Variants in ARHGAP24 observed in about 807,000 individuals in gnomAD.
ARHGAP24 encodes the protein rho GTPase-activating protein 24.
ARHGAP24 carries 50 observed loss-of-function variants against 76.4 expected under a neutral mutation model. The ratio of observed to expected loss-of-function variants is 0.65; its 90% CI spans 0.52 to 0.83. The LOEUF is 0.83. Among genes scored for constraint, ARHGAP24 ranks in the 40% least tolerant of loss-of-function variants. The pLI, the probability that ARHGAP24 is intolerant of heterozygous loss-of-function variation, is 0.00. For synonymous variants in ARHGAP24, 345 were observed against 323.3 expected (o/e 1.07, Z -0.72); for missense variants, 930 against 914.2 (o/e 1.02, Z -0.22).
intron 1 of ARHGAP24, among the ~76,000 whole-genome samples, chr4:85,512,079 T>A (rs1164950022): frequency 6.6e-6 from 1 of 152,210 alleles, no homozygotes; most frequent in East Asian, 1.9e-4. Flanking sequence ...GTTTCCCAAA[T>A]AAGGCCATAT....
chr4:85,557,789 G>A (rs1560531959), intron 1 of ARHGAP24, among the ~76,000 whole-genome samples: 1 of 152,076 alleles, frequency 6.6e-6, no homozygotes, highest in Non-Finnish European at 1.5e-5. Context: ...TTTCCCTGTG[G>A]ATCTCCCAAT....
intron 3 of ARHGAP24, among the ~76,000 whole-genome samples, chr4:85,833,251 T>C (rs962346592): frequency 1.3e-5 from 2 of 152,198 alleles, no homozygotes; most frequent in African/African-American, 4.8e-5. Flanking sequence ...CTGTCAGCTA[T>C]GTGCTGGCCC....
At chr4:85,516,613 CT>C (rs5859978) in intron 1 of ARHGAP24, among the ~76,000 whole-genome samples, 104 of 146,128 alleles carry the variant, frequency 7.1e-4, no homozygotes, top group Non-Finnish European at 8.8e-4. Context: ...TGTATTTCAT[CT>C]TTTTTTTTTC....
intron 3 of ARHGAP24, among the ~76,000 whole-genome samples, chr4:85,784,212 C>T (rs2110087670): frequency 6.6e-6 from 1 of 152,236 alleles, no homozygotes; most frequent in Non-Finnish European, 1.5e-5. Flanking sequence ...TGTTTACCCT[C>T]ATGCTCTTCT....
intron 5 of ARHGAP24, among the ~76,000 whole-genome samples, chr4:85,962,774 T>G (rs1162370366): frequency 6.6e-6 from 1 of 151,430 alleles, no homozygotes; most frequent in Non-Finnish European, 1.5e-5. Flanking sequence ...ATGCCCATGT[T>G]TATTAAAAGT....
At chr4:85,626,356 C>A (rs1470663080) in intron 2 of ARHGAP24, among the ~76,000 whole-genome samples, 3 of 150,508 alleles carry the variant, frequency 2.0e-5, no homozygotes, top group Non-Finnish European at 4.4e-5. Flanking sequence ...ATATGAAATT[C>A]TGGGTTGAAA....
At chr4:85,894,912 GATC>G (rs1345143859) in intron 3 of ARHGAP24, among the ~76,000 whole-genome samples, 3 of 121,760 alleles carry the variant, frequency 2.5e-5, no homozygotes, top group Non-Finnish European at 4.9e-5. Flanking sequence ...AGTGAGTAGA[GATC>G]ATACCACTGT....
intron 1 of ARHGAP24, among the ~76,000 whole-genome samples, chr4:85,485,620 TTTTCTAG>T (rs1217141994): frequency 3.3e-5 from 5 of 151,476 alleles, no homozygotes; most frequent in Admixed American, 2.0e-4. Context: ...ATCACTTAGT[TTTTCTAG>T]ACTTCAGTCT....
intron 3 of ARHGAP24, among the ~76,000 whole-genome samples, chr4:85,895,996 C>T (rs937118724): frequency 6.6e-6 from 1 of 152,050 alleles, no homozygotes. Context: ...GGGTACTTCG[C>T]CATAAAGTTA....
chr4:85,501,052 T>C (rs997817484), intron 1 of ARHGAP24, among the ~76,000 whole-genome samples: 2 of 152,186 alleles, frequency 1.3e-5, no homozygotes, highest in Non-Finnish European at 2.9e-5. Flanking sequence ...CATGAACTCA[T>C]CCTTTTTTAT....
chr4:85,729,309 A>G (rs1725300053), intron 3 of ARHGAP24, among the ~76,000 whole-genome samples: 1 of 152,232 alleles, frequency 6.6e-6, no homozygotes, highest in Non-Finnish European at 1.5e-5. Flanking sequence ...AGCAGCATGT[A>G]TTAACTACTA....
chr4:85,666,303 C>A (rs568558180), intron 2 of ARHGAP24, among the ~76,000 whole-genome samples: 1 of 152,176 alleles, frequency 6.6e-6, no homozygotes, highest in African/African-American at 2.4e-5. Flanking sequence ...TCCAGTTGAT[C>A]GCATCGGCTC....
chr4:85,859,367 A>G (rs1731760570), intron 3 of ARHGAP24, among the ~76,000 whole-genome samples: 1 of 152,136 alleles, frequency 6.6e-6, no homozygotes, highest in African/African-American at 2.4e-5. Context: ...TAAACTCTTG[A>G]TATCAGAACC....
chr4:85,897,986 CATAT>C (rs112904597), intron 3 of ARHGAP24, among the ~76,000 whole-genome samples: 17 of 144,970 alleles, frequency 1.2e-4, no homozygotes, highest in Admixed American at 3.5e-4. Context: ...CTAATACACA[CATAT>C]ATATATATAT....
At chr4:85,579,443 C>T (rs1323300465) in intron 2 of ARHGAP24, among the ~76,000 whole-genome samples, 1 of 149,604 alleles carries the variant, frequency 6.7e-6, no homozygotes, top group Non-Finnish European at 1.5e-5. Context: ...ATTTTTTTGC[C>T]CTTGATATAT....
At chr4:85,983,773 C>T (rs1179883842) in intron 8 of ARHGAP24, among the ~76,000 whole-genome samples, 4 of 152,160 alleles carry the variant, frequency 2.6e-5, no homozygotes, top group Non-Finnish European at 5.9e-5. Flanking sequence ...CAAGCAGGGT[C>T]TCTTGTCTTC....
At chr4:85,692,545 T>C (rs1314714390) in intron 2 of ARHGAP24, among the ~76,000 whole-genome samples, 1 of 152,224 alleles carries the variant, frequency 6.6e-6, no homozygotes, top group Non-Finnish European at 1.5e-5. Flanking sequence ...TCTTTATTTT[T>C]GTCTGAGTTG....
intron 2 of ARHGAP24, among the ~76,000 whole-genome samples, chr4:85,573,941 C>T (rs2109966027): frequency 6.6e-6 from 1 of 152,294 alleles, no homozygotes; most frequent in Non-Finnish European, 1.5e-5. Flanking sequence ...CACTTCAATG[C>T]TTCCAACGTA....
At chr4:85,615,758 TC>T (rs1349626809) in intron 2 of ARHGAP24, among the ~76,000 whole-genome samples, 2 of 152,182 alleles carry the variant, frequency 1.3e-5, no homozygotes, top group East Asian at 1.9e-4. Context: ...TGTGAATCCT[TC>T]CCACAAGGGA....
Sources: gnomAD v4.1 joint callset for allele counts (sites outside exome capture counted in the v4.1 genomes callset) on GRCh38, gnomAD v4.1.1 for gene constraint, MANE v1.5 for transcripts, NCBI Gene and HGNC (gene_info 2026-07-23, HGNC 2026-07-21) for gene names.